The following PARP2 variants were observed in gnomAD, a reference collection of about 807,000 sequenced individuals.
PARP2 encodes poly [ADP-ribose] polymerase 2.
PARP2 carries 57 observed loss-of-function variants against 77.8 expected under a neutral mutation model. The observed-to-expected ratio is 0.73, with a 90% CI of 0.59 to 0.91. The LOEUF is 0.91. Among genes scored for constraint, PARP2 ranks in the 40% least tolerant of loss-of-function variants. The pLI is 0.00. For missense variants in PARP2, 651 were observed against 689.0 expected (o/e 0.94, Z 0.62); for synonymous variants, 226 against 242.6 (o/e 0.93, Z 0.64).
rs1884079837 is a variant in PARP2 at position 20,354,731 on chromosome 14, T to G, written c.764-78T>G. On this transcript the variant is annotated intron_variant, in intron 8 of 15. Coordinates refer to ENST00000429687, the MANE Select transcript of PARP2 (RefSeq NM_001042618.2). ...AAAAAAAAGTTGAAAGATGAAAGTC[T>G]TTTTTAGGGAAGGATGTTAAGTACA... is the stretch of plus-strand genomic sequence containing the variant. 3.6e-6 allele frequency: 5 copies of G among 1,387,086 alleles called. No homozygotes were observed. In the South Asian group the frequency reaches 6.9e-5, roughly 19 times the overall value. 85.9% of individuals were successfully genotyped at this position (1,387,086 alleles called of 1,614,324 possible).
At chr14:20,352,590 G>C in intron 7 of PARP2, 1 of 276,552 alleles carries the variant, frequency 3.6e-6, no homozygotes, top group South Asian at 6.6e-5. Context: ...GTTTCACTAT[G>C]TTGCCCAGGC....
chr14:20,351,460 G>A (rs111235763), intron 6 of PARP2, among the ~76,000 whole-genome samples: 1 of 152,178 alleles, frequency 6.6e-6, no homozygotes, highest in African/African-American at 2.4e-5. Flanking sequence ...TTACAGGCGT[G>A]AGCCACCGTG....
intron 4 of PARP2, 67 bp from the exon 5 acceptor site, chr14:20,350,459 G>C (rs947335932): frequency 1.3e-6 from 1 of 783,374 alleles, no homozygotes; most frequent in Non-Finnish European, 2.2e-6. Context: ...CGAAGGATGA[G>C]TCATTGGTTT....
At chr14:20,355,066 G>A in intron 9 of PARP2, 119 bp downstream of exon 9, 1 of 958,464 alleles carries the variant, frequency 1.0e-6, no homozygotes, top group Non-Finnish European at 1.6e-6. Context: ...GTCTTGAATA[G>A]GTACAGAAAC....
rs147362511 is a variant in PARP2 at position 20,350,334 on chromosome 14, A to T, written c.325-192A>T. On this transcript the variant is annotated intron_variant, in intron 4 of 15. Transcript: ENST00000429687. ...CTAGGCTCCCACTTTAATTCCTAAG[A>T]ATCCAAAGTTTAATGTATAAGCCCT... Among the ~76,000 whole-genome samples, 663 of 152,336 alleles carry T rather than the reference A, an allele frequency of 4.4e-3. 1 individual carries two copies. Among genetic ancestry groups the T allele is most frequent in the Non-Finnish European group, 6.2e-3 (422 of 68,030 alleles).
chr14:20,349,097 C>G (rs1041863838), intron 4 of PARP2, among the ~76,000 whole-genome samples: 1 of 151,918 alleles, frequency 6.6e-6, no homozygotes, highest in Non-Finnish European at 1.5e-5. Context: ...CTAGCACTTT[C>G]GGAGGCCAAG....
In PARP2 at chr14:20,345,453, A is replaced by G; in HGVS notation, c.262A>G (p.Lys88Glu). The stretch of plus-strand genomic sequence containing the variant: ...TCCTGTGGACCCAGAGTGTACAGCC[A>G]AGGTGGGGAAGGTAAGAGACTCTGG... ...KAPVDPECTA[K>E]VGKAHVYCEG... The change falls in exon 3 of 16, where the codon AAG becomes GAG. Residue 88 changes from lysine to glutamate, a missense_variant. Coordinates refer to ENST00000429687, the MANE Select transcript of PARP2 (RefSeq NM_001042618.2). The G allele has an allele frequency of 1.2e-6, 2 of 1,613,036 alleles. No individual in the cohort carries two copies. The highest frequency in any genetic ancestry group is 8.5e-7 in the Non-Finnish European group (1 of 1,179,024).
Position 20,357,154 on chromosome 14 carries a change from G to C in PARP2, c.1428+5G>C, listed in dbSNP as rs1398946557. The C allele has an allele frequency of 6.4e-7, 1 of 1,563,646 alleles. No individual in the cohort carries two copies. Among genetic ancestry groups the C allele is most frequent in the Admixed American group, 1.7e-5 (1 of 59,080 alleles). ...GGACTGCTGCTCTTATCAGAGGTGA[G>C]ACAGGAGTATGTCTGTGATCTCTAG... On this transcript the variant is annotated splice_donor_5th_base_variant and intron_variant, in intron 14 of 15. Coordinates refer to ENST00000429687, the MANE Select transcript of PARP2 (RefSeq NM_001042618.2).
intron 9 of PARP2, 117 bp downstream of exon 9, chr14:20,355,064 T>G (rs1594302916): frequency 1.0e-6 from 1 of 983,688 alleles, no homozygotes; most frequent in Admixed American, 2.5e-5. Flanking sequence ...TCGTCTTGAA[T>G]AGGTACAGAA....
chr14:20,347,564 G>GTGTCTGGC (rs1171331287), intron 4 of PARP2, among the ~76,000 whole-genome samples: 1 of 148,782 alleles, frequency 6.7e-6, no homozygotes, highest in Non-Finnish European at 1.5e-5. Flanking sequence ...TACAGGTGCA[G>GTGTCTGGC]TGTCTGGCTA....
At chr14:20,354,034 CTA>C (rs1566422772) in intron 7 of PARP2, 49 bp from the exon 8 acceptor site, 1 of 1,427,624 alleles carries the variant, frequency 7.0e-7, no homozygotes, top group Non-Finnish European at 9.8e-7. Context: ...TATAAGGAAT[CTA>C]GAGATGATTT....
chr14:20,355,984 C>G lies in PARP2; in HGVS notation c.1054C>G (p.Leu352Val). The change falls in exon 11 of 16, where the codon CTA becomes GTA. Residue 352 changes from leucine to valine, a missense_variant. Physicochemically the swap from Leu to Val is conservative, Grantham distance 32. Coordinates refer to ENST00000429687, the MANE Select transcript of PARP2 (RefSeq NM_001042618.2). ...CCCATTGGACCAACACTATAGAAAC[C>G]TACATTGTGCCTTGCGCCCCCTTGA... is the stretch of plus-strand genomic sequence containing the variant. ...EHPLDQHYRN[L>V]HCALRPLDHE... 6.2e-7 allele frequency: 1 copy of G among 1,614,070 alleles called. No individual in the cohort carries two copies. Among genetic ancestry groups the G allele is most frequent in the Non-Finnish European group, 8.5e-7 (1 of 1,179,946 alleles).
chr14:20,345,523 A>G, intron 3 of PARP2, 59 bp downstream of exon 3: 1 of 1,252,010 alleles, frequency 8.0e-7, no homozygotes. Flanking sequence ...ATCCTTTGTT[A>G]TAAGGACTCC....
chr14:20,345,602 T>G (rs1339053262), intron 3 of PARP2, 138 bp downstream of exon 3: 2 of 637,060 alleles, frequency 3.1e-6, no homozygotes, highest in African/African-American at 3.6e-5. Context: ...TAGTTTTCTC[T>G]AATGGCAAGA....
At chr14:20,349,664 ACT>A (rs973965161) in intron 4 of PARP2, among the ~76,000 whole-genome samples, 26 of 152,108 alleles carry the variant, frequency 1.7e-4, no homozygotes, top group African/African-American at 4.6e-4. Flanking sequence ...ACAGAGCAAG[ACT>A]CTGTCTCAAA....
At chr14:20,350,150 A>G (rs950226729) in intron 4 of PARP2, among the ~76,000 whole-genome samples, 1 of 152,236 alleles carries the variant, frequency 6.6e-6, no homozygotes, top group Non-Finnish European at 1.5e-5. Flanking sequence ...GGAGCATCCA[A>G]ATTGTTTTCA....
chr14:20,345,165 CT>C lies in PARP2; in HGVS notation c.202+79del, dbSNP rs1250221765. 4.0e-6 allele frequency: 6 copies of C among 1,504,996 alleles called. No homozygotes were observed. In the South Asian group the frequency reaches 6.8e-5, roughly 17 times the overall value. The allele number at this position is 1,504,996 out of a possible 1,614,324, so 93.2% of individuals were successfully genotyped here. A position where few individuals can be genotyped will look rare whatever the true frequency, so the allele number is the denominator to read the frequency against. ...TGGGGATGATATCTTGTTATTTCAACTCCTATTTCGTCCTTCTTTCAGGGAA... is the reference window on the plus strand; with the variant it reads ...TGGGGATGATATCTTGTTATTTCAACCCTATTTCGTCCTTCTTTCAGGGAA... On this transcript the variant is annotated intron_variant, in intron 2 of 15. Coordinates refer to ENST00000429687, the MANE Select transcript of PARP2 (RefSeq NM_001042618.2).
chr14:20,357,208 G>A (rs776868223), intron 14 of PARP2, 59 bp downstream of exon 14: 1 of 1,420,372 alleles, frequency 7.0e-7, no homozygotes, highest in Non-Finnish European at 9.9e-7. Flanking sequence ...TTTCCGATGA[G>A]AAAAGTTTGA....
chr14:20,344,595 T>C (rs1883637330), intron 1 of PARP2, among the ~76,000 whole-genome samples: 1 of 152,136 alleles, frequency 6.6e-6, no homozygotes, highest in Non-Finnish European at 1.5e-5. Context: ...GGCAGATCAC[T>C]TGAGGTCACG....
Sources: gnomAD v4.1 joint callset for allele counts (sites outside exome capture counted in the v4.1 genomes callset) on GRCh38, gnomAD v4.1.1 for gene constraint, MANE v1.5 for transcripts, NCBI Gene and HGNC (gene_info 2026-07-23, HGNC 2026-07-21) for gene names.